ST18: variants seen among roughly 807,000 people sequenced by gnomAD.
ST18 encodes ST18 C2H2C-type zinc finger transcription factor, also known as suppression of tumorigenicity 18 protein.
A neutral mutation model predicts 110.0 loss-of-function variants in ST18; 50 were observed. The ratio of observed to expected loss-of-function variants is 0.45; its 90% CI spans 0.36 to 0.58. The LOEUF is 0.58. Among genes scored for constraint, ST18 ranks in the 20% least tolerant of loss-of-function variants. The pLI is 0.00. For missense variants in ST18, 1,306 were observed against 1,280.1 expected (o/e 1.02, Z -0.31); for synonymous variants, 461 against 452.4 (o/e 1.02, Z -0.24).
intron 23 of ST18, among the ~76,000 whole-genome samples, chr8:52,119,170 T>C (rs1045900835): frequency 3.3e-5 from 5 of 151,890 alleles, no homozygotes; most frequent in African/African-American, 1.2e-4. Context: ...TTCTGTAAAA[T>C]AGGCATGTTA....
intron 2 of ST18, among the ~76,000 whole-genome samples, chr8:52,265,364 TGG>T (rs2094835032): frequency 7.3e-6 from 1 of 136,676 alleles, no homozygotes; most frequent in African/African-American, 3.7e-5. Context: ...GTAAGTGTGA[TGG>T]GAAGTTATGG....
At position 52,172,108 on chromosome 8, in the gene ST18, A is replaced by G. The variant is rs1296327896; in HGVS notation, c.753T>C (p.Asp251=). Reference sequence around the variant, plus strand: ...GCGGGTCTTTCCTTTCTGTTTCAGAATCACACCTGTTCTCACAAGGGATAA... The same window carrying G: ...GCGGGTCTTTCCTTTCTGTTTCAGAGTCACACCTGTTCTCACAAGGGATAA... The part of the protein sequence containing the change: ...DKFIPCENRC[D]SETERKDPQN... The change falls in exon 10 of 26, where the codon GAT becomes GAC. Residue 251 remains aspartate (D), a synonymous_variant. Transcript: ENST00000689386. 6 of 1,614,126 alleles carry G rather than the reference A, an allele frequency of 3.7e-6. No homozygotes were observed. Among genetic ancestry groups the G allele is most frequent in the Non-Finnish European group, 4.2e-6 (5 of 1,180,044 alleles).
intron 2 of ST18, among the ~76,000 whole-genome samples, chr8:52,383,823 A>T (rs890159661): frequency 6.6e-6 from 1 of 151,362 alleles, no homozygotes; most frequent in African/African-American, 2.4e-5. Context: ...ATCATGGCTT[A>T]CTGTAGCCTC....
At chr8:52,115,183 G>A (rs1431028573) in intron 25 of ST18, among the ~76,000 whole-genome samples, 1 of 152,124 alleles carries the variant, frequency 6.6e-6, no homozygotes, top group African/African-American at 2.4e-5. Flanking sequence ...GGGGCTTAAT[G>A]TTTTAACCAA....
chr8:52,376,621 G>C (rs1832495222), intron 2 of ST18, among the ~76,000 whole-genome samples: 1 of 151,700 alleles, frequency 6.6e-6, no homozygotes. Context: ...CTGATGGTCT[G>C]TCTCCCTGCA....
chr8:52,161,711 G>T, intron 13 of ST18, 143 bp from the exon 14 acceptor site: 1 of 912,182 alleles, frequency 1.1e-6, no homozygotes, highest in Non-Finnish European at 1.6e-6. Flanking sequence ...CGGGGCCATG[G>T]CAGGACAGAG....
chr8:52,371,818 G>A (rs558783379), intron 2 of ST18, among the ~76,000 whole-genome samples: 10 of 152,296 alleles, frequency 6.6e-5, no homozygotes, highest in South Asian at 6.2e-4. Flanking sequence ...CATGCCTCAC[G>A]TGGGGATGCT....
At chr8:52,293,812 G>A (rs2095592428) in intron 2 of ST18, among the ~76,000 whole-genome samples, 1 of 152,136 alleles carries the variant, frequency 6.6e-6, no homozygotes, top group Non-Finnish European at 1.5e-5. Flanking sequence ...TTTTTGAACT[G>A]TAACACACTA....
At chr8:52,211,906 C>T (rs1270967055) in intron 8 of ST18, among the ~76,000 whole-genome samples, 173 bp downstream of exon 8, 2 of 152,090 alleles carry the variant, frequency 1.3e-5, no homozygotes, top group East Asian at 3.9e-4. Context: ...GATCGAGTAT[C>T]AGTACAATCA....
chr8:52,166,944 G>C lies in ST18; in HGVS notation c.1112C>G (p.Pro371Arg). 1 of 1,612,354 alleles carries C rather than the reference G, an allele frequency of 6.2e-7. No individual in the cohort carries two copies. The highest frequency in any genetic ancestry group is 8.5e-7 in the Non-Finnish European group (1 of 1,178,638). ...PEKRETKCPI[P>R]GCDGTGHVTG... is the part of the protein sequence containing the mutation. ...CACGTGTCCCGTGCCATCACATCCAGGGATCGGGCACTTGGTCTCCCTCTT... is the reference window on the plus strand; with the variant it reads ...CACGTGTCCCGTGCCATCACATCCACGGATCGGGCACTTGGTCTCCCTCTT... The change falls in exon 11 of 26, where the codon CCT becomes CGT. Residue 371 changes from proline (P) to arginine (R), a missense_variant. By Grantham distance (103) the Pro-to-Arg change is moderately radical (BLOSUM62 -2). Transcript: ENST00000689386.
At chr8:52,213,956 A>G (rs2083150182) in intron 7 of ST18, among the ~76,000 whole-genome samples, 1 of 152,164 alleles carries the variant, frequency 6.6e-6, no homozygotes, top group Admixed American at 6.5e-5. Flanking sequence ...TGATGTTCAA[A>G]TCCACTCATG....
intron 2 of ST18, among the ~76,000 whole-genome samples, chr8:52,337,458 A>C (rs970095717): frequency 6.6e-6 from 1 of 152,236 alleles, no homozygotes; most frequent in Non-Finnish European, 1.5e-5. Context: ...GAAATGAGCC[A>C]AAGTCACTCT....
intron 8 of ST18, 96 bp downstream of exon 8, chr8:52,211,983 T>C: frequency 7.6e-7 from 1 of 1,323,126 alleles, no homozygotes; most frequent in East Asian, 2.3e-5. Context: ...CAATTCCTTC[T>C]GCTAAAAAAA....
chr8:52,117,572 A>G (rs1301235898), intron 24 of ST18, among the ~76,000 whole-genome samples: 2 of 152,208 alleles, frequency 1.3e-5, no homozygotes, highest in Non-Finnish European at 2.9e-5. Flanking sequence ...CATTAAATTG[A>G]TGATGGCAAC....
chr8:52,266,403 TAGAG>T (rs912470165), intron 2 of ST18, among the ~76,000 whole-genome samples: 1 of 151,928 alleles, frequency 6.6e-6, no homozygotes, highest in Non-Finnish European at 1.5e-5. Flanking sequence ...GCTAGTGAAA[TAGAG>T]AGAGGGTATG....
At chr8:52,389,842 G>A (rs1477474887) in intron 2 of ST18, among the ~76,000 whole-genome samples, 1 of 152,220 alleles carries the variant, frequency 6.6e-6, no homozygotes, top group African/African-American at 2.4e-5. Flanking sequence ...CAGAGACCGG[G>A]TAGTGGCGCT....
intron 2 of ST18, chr8:52,313,421 A>T (rs1184377956): frequency 1.9e-5 from 3 of 155,882 alleles, no homozygotes; most frequent in Non-Finnish European, 4.3e-5. Flanking sequence ...CAACTCTATT[A>T]CCAGGGTTTG....
At chr8:52,145,234 T>C (rs1443832783) in intron 16 of ST18, among the ~76,000 whole-genome samples, 1 of 152,108 alleles carries the variant, frequency 6.6e-6, no homozygotes, top group Non-Finnish European at 1.5e-5. Flanking sequence ...TGGGGAATTT[T>C]GAAAGAAATA....
intron 3 of ST18, chr8:52,229,574 T>C (rs540022993): frequency 1.3e-5 from 2 of 152,314 alleles, no homozygotes; most frequent in East Asian, 3.9e-4. Context: ...CCCTAACTCA[T>C]TCTTTGGCCT....
Sources: gnomAD v4.1 joint callset for allele counts (sites outside exome capture counted in the v4.1 genomes callset) on GRCh38, gnomAD v4.1.1 for gene constraint, MANE v1.5 for transcripts, NCBI Gene and HGNC (gene_info 2026-07-23, HGNC 2026-07-21) for gene names.